Variants in FCHSD2 observed in about 807,000 individuals in gnomAD.
FCHSD2 encodes FCH and double SH3 domains 2.
Under a neutral mutation model 108.1 loss-of-function variants are expected in FCHSD2, and 38 were observed. The ratio of observed to expected loss-of-function variants is 0.35; its 90% CI spans 0.27 to 0.46. The LOEUF (loss-of-function observed/expected upper bound fraction) is 0.46, where lower values mean the gene tolerates loss of function less well. Among genes scored for constraint, FCHSD2 ranks in the 20% least tolerant of loss-of-function variants. FCHSD2 has a pLI of 1.00. For synonymous variants in FCHSD2, 279 were observed against 314.7 expected (o/e 0.89, Z 1.20); for missense variants, 751 against 897.8 (o/e 0.84, Z 2.09).
intron 8 of FCHSD2, among the ~76,000 whole-genome samples, chr11:72,936,992 T>C (rs1404101158): frequency 6.6e-6 from 1 of 152,192 alleles, no homozygotes; most frequent in African/African-American, 2.4e-5. Context: ...CCTGTTTCTT[T>C]ATATGCTTCA....
chr11:73,014,124 C>CTTTTTT (rs947652108), intron 4 of FCHSD2, among the ~76,000 whole-genome samples: 2 of 86,580 alleles, frequency 2.3e-5, no homozygotes, highest in African/African-American at 4.6e-5. Context: ...TGTGTGGTTT[C>CTTTTTT]TTTTTTTTTT....
intron 5 of FCHSD2, among the ~76,000 whole-genome samples, chr11:73,000,169 A>C (rs1857598917): frequency 6.6e-6 from 1 of 152,186 alleles, no homozygotes; most frequent in Non-Finnish European, 1.5e-5. Context: ...GTGTTTGTAA[A>C]AATGTTCTGA....
chr11:72,880,383 T>C (rs1591365569), intron 12 of FCHSD2, among the ~76,000 whole-genome samples: 1 of 152,088 alleles, frequency 6.6e-6, no homozygotes, highest in South Asian at 2.1e-4. Context: ...CAAAACAGCA[T>C]GGTATTGTCA....
intron 2 of FCHSD2, among the ~76,000 whole-genome samples, chr11:73,134,430 A>G (rs1791053): frequency 6.6e-6 from 1 of 152,066 alleles, no homozygotes; most frequent in African/African-American, 2.4e-5. Context: ...TGATCACACC[A>G]CTGTGCTCCA....
At chr11:73,038,888 T>C (rs7933548) in intron 3 of FCHSD2, among the ~76,000 whole-genome samples, 34,184 of 152,064 alleles carry the variant, frequency 0.22, 4,618 homozygotes, top group Middle Eastern at 0.37. Context: ...AAGGCCAATA[T>C]CCATATAAAT....
At chr11:73,096,169 T>C (rs886300479) in intron 2 of FCHSD2, among the ~76,000 whole-genome samples, 6 of 151,808 alleles carry the variant, frequency 4.0e-5, no homozygotes, top group African/African-American at 1.5e-4. Flanking sequence ...AGGACACCCA[T>C]GAGCAAAAAA....
rs200439027 is a variant in FCHSD2 at position 73,035,150 on chromosome 11, TTATGTATGTATG to T, written c.166-19277_166-19266del. 6.7e-4 allele frequency among the ~76,000 whole-genome samples: 97 copies of T among 143,940 alleles called. 1 individual carries two copies. Among genetic ancestry groups the T allele is most frequent in the East Asian group, 1.0e-3 (5 of 4,890 alleles). The allele number at this position is 143,940 out of a possible 152,430, so 94.4% of individuals were successfully genotyped here. Reference sequence around the variant, plus strand: ...TTTAACTTGTTTTTAGTTTTTATTTTTATGTATGTATGTATGTATGTATGTATGTATGTATGT... The same window carrying T: ...TTTAACTTGTTTTTAGTTTTTATTTTTATGTATGTATGTATGTATGTATGT... On this transcript the variant is annotated intron_variant, in intron 3 of 19. Coordinates refer to ENST00000409418, the MANE Select transcript of FCHSD2 (RefSeq NM_014824.3).
At chr11:73,141,789 C>T in intron 1 of FCHSD2, 68 bp downstream of exon 1, 3 of 1,468,476 alleles carry the variant, frequency 2.0e-6, no homozygotes, top group East Asian at 2.6e-5. Context: ...AGGGGCGCAG[C>T]GGTCGCCCCA....
At chr11:73,021,253 C>T (rs1858096911) in intron 3 of FCHSD2, among the ~76,000 whole-genome samples, 1 of 150,726 alleles carries the variant, frequency 6.6e-6, no homozygotes, top group African/African-American at 2.4e-5. Context: ...AAAAAACAGG[C>T]ACACATACGT....
chr11:73,065,649 T>C (rs1485728338), intron 3 of FCHSD2, among the ~76,000 whole-genome samples: 3 of 152,212 alleles, frequency 2.0e-5, no homozygotes, highest in Non-Finnish European at 4.4e-5. Flanking sequence ...GATAAGCAAC[T>C]TCAGCAAAGT....
chr11:72,885,839 A>G (rs910820543), intron 12 of FCHSD2, among the ~76,000 whole-genome samples: 15 of 152,136 alleles, frequency 9.9e-5, no homozygotes, highest in Non-Finnish European at 1.6e-4. Context: ...ATTCAAAGAG[A>G]AAAATGACTA....
intron 9 of FCHSD2, among the ~76,000 whole-genome samples, chr11:72,906,184 A>T (rs556988228): frequency 6.6e-6 from 1 of 152,222 alleles, no homozygotes; most frequent in African/African-American, 2.4e-5. Flanking sequence ...ATGACCAGTG[A>T]TGATGAGCAT....
intron 4 of FCHSD2, among the ~76,000 whole-genome samples, chr11:73,006,012 G>A (rs1378815690): frequency 6.6e-6 from 1 of 150,654 alleles, no homozygotes; most frequent in Non-Finnish European, 1.5e-5. Flanking sequence ...GACTCAAGTG[G>A]TCCTCCCGCC....
chr11:72,883,040 A>C (rs1489472579), intron 12 of FCHSD2, among the ~76,000 whole-genome samples: 1 of 152,176 alleles, frequency 6.6e-6, no homozygotes, highest in African/African-American at 2.4e-5. Context: ...ATACGGGTGC[A>C]AAGGTAATGG....
At chr11:72,946,290 G>A (rs549780882) in intron 8 of FCHSD2, among the ~76,000 whole-genome samples, 106 of 150,820 alleles carry the variant, frequency 7.0e-4, no homozygotes, top group Admixed American at 5.6e-3. Flanking sequence ...GCAGACTATC[G>A]CAAGGACAAA....
chr11:72,928,715 C>CT (rs1180263819), intron 8 of FCHSD2, among the ~76,000 whole-genome samples: 1 of 151,914 alleles, frequency 6.6e-6, no homozygotes, highest in African/African-American at 2.4e-5. Context: ...AAGCCACTTT[C>CT]TTTTTTTTAT....
chr11:73,025,350 G>A (rs1858202553), intron 3 of FCHSD2, among the ~76,000 whole-genome samples: 1 of 152,156 alleles, frequency 6.6e-6, no homozygotes, highest in Non-Finnish European at 1.5e-5. Context: ...GAACATGGAT[G>A]GAGCTGGAGG....
chr11:73,112,051 AT>A (rs1315828698), intron 2 of FCHSD2, among the ~76,000 whole-genome samples: 3 of 152,160 alleles, frequency 2.0e-5, no homozygotes, highest in African/African-American at 7.2e-5. Flanking sequence ...GTGTTATAAA[AT>A]TGTTTTTCTG....
At chr11:72,951,615 C>A (rs1186600930) in intron 8 of FCHSD2, among the ~76,000 whole-genome samples, 1 of 152,214 alleles carries the variant, frequency 6.6e-6, no homozygotes, top group East Asian at 1.9e-4. Flanking sequence ...CTCACCCCTA[C>A]ACTAAGATCA....
Sources: allele counts gnomAD v4.1 joint callset (sites outside exome capture counted in the v4.1 genomes callset), GRCh38; gene constraint gnomAD v4.1.1; transcripts MANE v1.5; gene names NCBI Gene and HGNC (gene_info 2026-07-23, HGNC 2026-07-21).